APBA2: variants seen among roughly 807,000 people sequenced by gnomAD.
APBA2 encodes amyloid beta precursor protein binding family A member 2.
Under a neutral mutation model 75.0 loss-of-function variants are expected in APBA2, and 30 were observed. The observed-to-expected ratio is 0.40, with a 90% CI of 0.30 to 0.54. The LOEUF (loss-of-function observed/expected upper bound fraction) is 0.54. Ranked by LOEUF, APBA2 falls within the 20% of genes least tolerant of loss-of-function variation. APBA2 has a pLI of 0.49. For synonymous variants in APBA2, 444 were observed against 409.6 expected (o/e 1.08, Z -1.01); for missense variants, 801 against 1,016.1 (o/e 0.79, Z 2.88).
intron 3 of APBA2, among the ~76,000 whole-genome samples, chr15:29,010,270 GT>G (rs781146890): frequency 2.1e-4 from 32 of 151,554 alleles, no homozygotes; most frequent in Admixed American, 1.2e-3. Flanking sequence ...TTCTTTTTTT[GT>G]TTTATGAGAT....
At chr15:28,982,385 A>G (rs1158411699) in intron 2 of APBA2, among the ~76,000 whole-genome samples, 1 of 152,218 alleles carries the variant, frequency 6.6e-6, no homozygotes, top group East Asian at 1.9e-4. Context: ...CATTTGATGT[A>G]ACTAAGTACC....
At position 28,991,430 on chromosome 15, in the gene APBA2, C is replaced by T. The variant is rs2038225118; in HGVS notation, c.-94-4323C>T. ...GGAGGCGTCCTTGTGCCGGAGCTCA[C>T]CTTGTGCCGGAGCTCACCTTGTGCC... is the stretch of plus-strand genomic sequence containing the variant. On this transcript the variant is annotated intron_variant, in intron 2 of 14. Transcript: ENST00000683413. The surrounding 1 kb of genome is among the most constrained non-coding windows in gnomAD (Gnocchi z 4.7). Among the ~76,000 whole-genome samples, 1 of 120,768 alleles carries T rather than the reference C, an allele frequency of 8.3e-6. No homozygotes were observed. Among genetic ancestry groups the T allele is most frequent in the Non-Finnish European group, 1.5e-5 (1 of 67,742 alleles). 79.2% of individuals were successfully genotyped at this position (120,768 alleles called of 152,430 possible). A position where few individuals can be genotyped will look rare whatever the true frequency, so the allele number is the denominator to read the frequency against.
intron 2 of APBA2, among the ~76,000 whole-genome samples, chr15:28,968,763 CA>C (rs1178916185): frequency 1.3e-5 from 2 of 152,154 alleles, no homozygotes; most frequent in Non-Finnish European, 2.9e-5. Context: ...GTCATTAGGG[CA>C]GGCCCTAATC....
intron 2 of APBA2, chr15:28,970,572 G>A (rs939254156): frequency 6.7e-6 from 1 of 150,186 alleles, no homozygotes; most frequent in African/African-American, 2.4e-5. Context: ...ATTTTTAAGG[G>A]ACAATTTTGG....
chr15:29,064,353 G>A (rs1407010188), intron 4 of APBA2, among the ~76,000 whole-genome samples: 2 of 152,206 alleles, frequency 1.3e-5, no homozygotes, highest in East Asian at 3.9e-4. Flanking sequence ...TCTCTGGCAT[G>A]GCCCTTGCAA....
chr15:28,947,702 G>A (rs2035622676), intron 2 of APBA2, among the ~76,000 whole-genome samples: 1 of 152,144 alleles, frequency 6.6e-6, no homozygotes, highest in Admixed American at 6.5e-5. Context: ...ACAGAACTAA[G>A]CCTTAAAATC....
chr15:29,113,414 C>A (rs2044855191), intron 13 of APBA2, among the ~76,000 whole-genome samples: 1 of 152,188 alleles, frequency 6.6e-6, no homozygotes. Context: ...GGGCATCCGG[C>A]AAACAGAGCC....
intron 1 of APBA2, among the ~76,000 whole-genome samples, chr15:28,903,419 G>A (rs1595421900): frequency 6.6e-6 from 1 of 152,212 alleles, no homozygotes; most frequent in Non-Finnish European, 1.5e-5. Flanking sequence ...GTAGCTGGTC[G>A]ATCCACTTTG....
At chr15:28,995,341 C>T (rs995795381) in intron 2 of APBA2, among the ~76,000 whole-genome samples, 4 of 152,142 alleles carry the variant, frequency 2.6e-5, no homozygotes, top group South Asian at 2.1e-4. Context: ...GTCCTCTCCC[C>T]GCCCACCCCC....
chr15:28,949,063 T>TGAGGAGAACACACCGAGAAGG (rs1481536047), intron 2 of APBA2, among the ~76,000 whole-genome samples: 6 of 151,012 alleles, frequency 4.0e-5, no homozygotes, highest in African/African-American at 1.5e-4. Context: ...CTTGTTCAAG[T>TGAGGAGAACACACCGAGAAGG]GAGGAGAACA....
intron 4 of APBA2, among the ~76,000 whole-genome samples, chr15:29,072,399 A>G (rs966021258): frequency 2.6e-5 from 4 of 152,194 alleles, no homozygotes; most frequent in African/African-American, 9.6e-5. Flanking sequence ...GATGTCCCAA[A>G]TAAGGTTTAC....
chr15:29,048,800 G>A (rs932703161), intron 3 of APBA2, among the ~76,000 whole-genome samples: 5 of 151,730 alleles, frequency 3.3e-5, no homozygotes, highest in Middle Eastern at 3.2e-3. Flanking sequence ...TTAGCTGGGC[G>A]TGGTGGTGCG....
At chr15:28,904,137 T>C (rs1258604790) in intron 1 of APBA2, among the ~76,000 whole-genome samples, 1 of 152,206 alleles carries the variant, frequency 6.6e-6, no homozygotes, top group Admixed American at 6.5e-5. Flanking sequence ...TCATTCATTG[T>C]ATTGGAAAAC....
In APBA2 at chr15:29,113,903, G is replaced by A; in HGVS notation, c.2065G>A (p.Ala689Thr). ...IICSLMRGGI[A>T]ERGGVRVGHR... The stretch of plus-strand genomic sequence containing the variant: ...CTGCAGCCTCATGAGAGGGGGCATT[G>A]CTGAGCGAGGGGGCGTCCGTGTGGG... Residue 689 changes from alanine (A) to threonine (T), a missense_variant, in exon 14 of 15, where the codon GCT (alanine) becomes ACT (threonine). By Grantham distance (58) the Ala-to-Thr change is moderately conservative. Around this residue, in one of 2 missense-constraint regions of APBA2, gnomAD observed 367 missense variants for 544.5 expected, o/e 0.67. Transcript: ENST00000683413. The A allele has an allele frequency of 1.2e-6, 2 of 1,612,664 alleles. No homozygotes were observed. The highest frequency in any genetic ancestry group is 1.7e-6 in the Non-Finnish European group (2 of 1,180,034).
intron 4 of APBA2, among the ~76,000 whole-genome samples, chr15:29,059,954 G>T (rs1296791924): frequency 6.6e-6 from 1 of 152,166 alleles, no homozygotes; most frequent in African/African-American, 2.4e-5. Flanking sequence ...CCCAAACATG[G>T]TGTATCAGCA....
chr15:29,095,432 A>G (rs1238986670), intron 8 of APBA2, among the ~76,000 whole-genome samples: 9 of 41,298 alleles, frequency 2.2e-4, no homozygotes, highest in African/African-American at 2.7e-4. Flanking sequence ...CTCCATCTCA[A>G]AAGAAAAAAA....
At chr15:29,115,114 G>A (rs1253518526) in intron 14 of APBA2, among the ~76,000 whole-genome samples, 1 of 152,000 alleles carries the variant, frequency 6.6e-6, no homozygotes, top group Non-Finnish European at 1.5e-5. Context: ...TGAGGAGCCC[G>A]GCCTACAGAG....
Position 28,886,017 on chromosome 15 carries a change from CGCAG to C in APBA2, c.-463_-460del, listed in dbSNP as rs1263461610. ...GAGGCGGAAGCGGCCGGGGCGGGGGCGCAGGCCCGGCAGCCGCAGGCCGGTGCGG... is the reference window on the plus strand; with the variant it reads ...GAGGCGGAAGCGGCCGGGGCGGGGGCGCCCGGCAGCCGCAGGCCGGTGCGG... On this transcript the variant is annotated 5_prime_UTR_variant, in exon 1 of 15. Coordinates refer to ENST00000683413, the MANE Select transcript of APBA2 (RefSeq NM_001353788.2). 1 of 149,694 alleles carries C rather than the reference CGCAG, an allele frequency of 6.7e-6. No individual in the cohort carries two copies. Among genetic ancestry groups the C allele is most frequent in the Non-Finnish European group, 1.5e-5 (1 of 67,206 alleles). The allele number at this position is 149,694 out of a possible 1,614,324, so 9.3% of individuals were successfully genotyped here.
At chr15:28,946,056 G>A (rs1566828213) in intron 2 of APBA2, among the ~76,000 whole-genome samples, 1 of 152,178 alleles carries the variant, frequency 6.6e-6, no homozygotes, top group Admixed American at 6.5e-5. Flanking sequence ...CATTCTTCAT[G>A]CATGTGTCTC....
Sources: allele counts gnomAD v4.1 joint callset (sites outside exome capture counted in the v4.1 genomes callset), GRCh38; gene constraint gnomAD v4.1.1; regional missense constraint gnomAD v4.1.1; non-coding constraint Gnocchi (gnomAD v3.1); transcripts MANE v1.5; gene names NCBI Gene and HGNC (gene_info 2026-07-23, HGNC 2026-07-21).